CATSPER1: variants seen among roughly 807,000 people sequenced by gnomAD.
CATSPER1 encodes the protein cation channel sperm-associated protein 1.
A neutral mutation model predicts 72.7 loss-of-function variants in CATSPER1; 57 were observed. That is an observed-to-expected ratio of 0.78 (90% CI 0.63 to 0.98). CATSPER1 has a LOEUF of 0.98. Ranked by LOEUF, CATSPER1 falls within the 50% of genes least tolerant of loss-of-function variation. CATSPER1 has a pLI of 0.00. For missense variants in CATSPER1, 910 were observed against 1,033.9 expected, an observed-to-expected ratio of 0.88 and a Z score of 1.64; for synonymous variants, 363 against 403.0, an observed-to-expected ratio of 0.90 and a Z score of 1.19.
rs745424701 is a variant in CATSPER1 at position 66,025,371 on chromosome 11, C to T, written c.1009G>A (p.Asp337Asn). The change falls in exon 1 of 12, where the codon GAT becomes AAT. Residue 337 changes from aspartate to asparagine, a missense_variant. Transcript: ENST00000312106. ...CGAGAAGCAGCAGGGCCGGGGGCAT[C>T]GTGAATCAGGCTCCGGGATGTGTGT... ...IPHTSRSLIH[D>N]APGPAASRTG... The T allele has an allele frequency of 1.7e-5, 27 of 1,613,910 alleles. No homozygotes were observed. The highest frequency in any genetic ancestry group is 1.3e-4 in the Admixed American group (8 of 59,986).
intron 2 of CATSPER1, among the ~76,000 whole-genome samples, 196 bp downstream of exon 2, chr11:66,022,653 G>T (rs1162975846): frequency 6.6e-6 from 1 of 152,272 alleles, no homozygotes; most frequent in Non-Finnish European, 1.5e-5. Flanking sequence ...CCGCCTAGCG[G>T]GTCCTTCTGT....
At chr11:66,016,990 T>G in intron 11 of CATSPER1, 70 bp downstream of exon 11, 1 of 1,612,934 alleles carries the variant, frequency 6.2e-7, no homozygotes, top group Non-Finnish European at 8.5e-7. Context: ...GGGAGTTACT[T>G]GGAGCCATTT....
chr11:66,025,610 T>A lies in CATSPER1; in HGVS notation c.770A>T (p.Gln257Leu). The change falls in exon 1 of 12, where the codon CAG (glutamine) becomes CTG (leucine). Residue 257 changes from glutamine to leucine, a missense_variant. Coordinates refer to ENST00000312106, the MANE Select transcript of CATSPER1 (RefSeq NM_053054.4). ...ISPHSSVGSY[Q>L]RGISDYHSEY... ...GCTGTGATAGTCAGATATCCCACGC[T>A]GGTAGGACCCCACAGAGGAATGAGG... 1 of 1,612,234 alleles carries A rather than the reference T, an allele frequency of 6.2e-7. No individual in the cohort carries two copies. The highest frequency in any genetic ancestry group is 8.5e-7 in the Non-Finnish European group (1 of 1,179,172).
At chr11:66,018,221 AAAG>A (rs1856279826) in intron 10 of CATSPER1, among the ~76,000 whole-genome samples, 1 of 151,652 alleles carries the variant, frequency 6.6e-6, no homozygotes, top group Admixed American at 6.6e-5. Flanking sequence ...AAAAAAAAAA[AAAG>A]AAAAAAGAAA....
intron 4 of CATSPER1, 49 bp downstream of exon 4, chr11:66,021,447 C>T (rs1340590618): frequency 1.2e-6 from 2 of 1,603,796 alleles, no homozygotes; most frequent in South Asian, 2.2e-5. Flanking sequence ...GGTCTGTGTC[C>T]CCTCTTCCTT....
chr11:66,017,193 G>GGGGGGGGGGGGGCCCC lies in CATSPER1; in HGVS notation c.2202-20_2202-19insGGGGCCCCCCCCCCCC. On this transcript the variant is annotated intron_variant, in intron 10 of 11. Coordinates refer to ENST00000312106, the MANE Select transcript of CATSPER1 (RefSeq NM_053054.4). ...CTGCTGCCTGCGGGTGGGCGGGGGG[G>GGGGGGGGGGGGGCCCC]TCGCAGAGACAGGGGCTGGGCTGAC... The GGGGGGGGGGGGGCCCC allele has an allele frequency of 2.0e-5, 10 of 493,778 alleles. No homozygotes were observed. The highest frequency in any genetic ancestry group is 3.6e-5 in the Non-Finnish European group (9 of 252,600). The allele number at this position is 493,778 out of a possible 1,614,324, so 30.6% of individuals were successfully genotyped here.
intron 9 of CATSPER1, 40 bp from the exon 10 acceptor site, chr11:66,018,942 T>C (rs756173172): frequency 6.5e-7 from 1 of 1,550,358 alleles, no homozygotes; most frequent in South Asian, 1.1e-5. Flanking sequence ...AGGCCTGGAT[T>C]TGGAGAGGAG....
rs1373708829 is a variant in CATSPER1, at chr11:66,020,517, A to G, written c.1991+47T>C. On this transcript the variant is annotated intron_variant, in intron 7 of 11. Transcript: ENST00000312106. This position sits in a 1 kb window ranked among gnomAD's most constrained non-coding sequence, Gnocchi z 4.5. ...TGGGGTAAGGGTCCCAGGGGAGAGG[A>G]GGAAGTGTGGGTGGTGCTGGGCAGC... 1 of 1,598,564 alleles carries G rather than the reference A, an allele frequency of 6.3e-7. No individual in the cohort carries two copies. Among genetic ancestry groups the G allele is most frequent in the African/African-American group, 1.3e-5 (1 of 74,568 alleles).
intron 10 of CATSPER1, 120 bp downstream of exon 10, chr11:66,018,707 G>C: frequency 9.1e-7 from 1 of 1,104,264 alleles, no homozygotes; most frequent in Non-Finnish European, 1.4e-6. Flanking sequence ...TCATCCACAA[G>C]CCTCAGCGCT....
intron 10 of CATSPER1, among the ~76,000 whole-genome samples, chr11:66,017,744 A>G (rs1415269454): frequency 6.6e-6 from 1 of 152,206 alleles, no homozygotes; most frequent in Admixed American, 6.5e-5. Flanking sequence ...TACTCCGAGG[A>G]GATGGAGATG....
In CATSPER1 at chr11:66,025,410, G is replaced by C. The variant is rs773285320; in HGVS notation, c.970C>G (p.Gln324Glu). The change falls in exon 1 of 12, where the codon CAA (glutamine) becomes GAA (glutamate). Residue 324 changes from glutamine to glutamate, a missense_variant. Gln to Glu is a conservative substitution (Grantham distance 29, BLOSUM62 2). Coordinates refer to ENST00000312106, the MANE Select transcript of CATSPER1 (RefSeq NM_053054.4). The part of the protein sequence containing the change: ...LHGDYVQSTS[Q>E]LSIPHTSRSL... ...CGGGATGTGTGTGGGATAGAGAGTT[G>C]GGAAGTGCTCTGGACGTAGTCGCCA... The C allele has an allele frequency of 6.8e-5, 110 of 1,613,838 alleles. No homozygotes were observed. In the South Asian group the frequency reaches 1.1e-3, roughly 16 times the overall value.
In CATSPER1 at chr11:66,017,182, TGGGC is replaced by T; in HGVS notation, c.2202-12_2202-9del. 1 of 173,882 alleles carries T rather than the reference TGGGC, an allele frequency of 5.8e-6. No homozygotes were observed. The highest frequency in any genetic ancestry group is 1.1e-5 in the Non-Finnish European group (1 of 92,816). The allele number at this position is 173,882 out of a possible 1,614,324, so 10.8% of individuals were successfully genotyped here. On this transcript the variant is annotated splice_polypyrimidine_tract_variant and intron_variant, in intron 10 of 11. Coordinates refer to ENST00000312106, the MANE Select transcript of CATSPER1 (RefSeq NM_053054.4). ...AACAGGAGCTCCTGCTGCCTGCGGGTGGGCGGGGGGGTCGCAGAGACAGGGGCTG... is the reference window on the plus strand; with the variant it reads ...AACAGGAGCTCCTGCTGCCTGCGGGTGGGGGGGTCGCAGAGACAGGGGCTG...
chr11:66,021,217 C>T (rs1439310486), intron 4 of CATSPER1, 32 bp from the exon 5 acceptor site: 3 of 1,585,652 alleles, frequency 1.9e-6, no homozygotes, highest in East Asian at 2.3e-5. Context: ...ACTGAGTCAT[C>T]GGTGAGGGGC....
In CATSPER1 at chr11:66,017,124, T is replaced by TGCTCCA; in HGVS notation, c.2246_2251dup (p.Glu750_Gln751insLeuGlu). On this transcript the variant is annotated inframe_insertion, in exon 11 of 12. Transcript: ENST00000312106. ...CTGGGAGCGGAACTTCTGCTGCTCC[T>TGCTCCA]GCTCCACGCTTGCCACCAGCTGCAG... The TGCTCCA allele has an allele frequency of 6.8e-7, 1 of 1,476,698 alleles. No homozygotes were observed. The highest frequency in any genetic ancestry group is 9.1e-7 in the Non-Finnish European group (1 of 1,094,344). 91.5% of individuals were successfully genotyped at this position (1,476,698 alleles called of 1,614,324 possible). A position where few individuals can be genotyped will look rare whatever the true frequency, so the allele number is the denominator to read the frequency against.
At chr11:66,023,364 A>G (rs1856418327) in intron 1 of CATSPER1, among the ~76,000 whole-genome samples, 1 of 151,508 alleles carries the variant, frequency 6.6e-6, no homozygotes, top group African/African-American at 2.4e-5. Flanking sequence ...TATGGAGTCC[A>G]AGGCCATGAA....
chr11:66,020,447 G>A lies in CATSPER1; in HGVS notation c.1992-58C>T, dbSNP rs77429531. 5,938 of 1,607,790 alleles carry A rather than the reference G, an allele frequency of 3.7e-3. 197 individuals carry two copies. In the African/African-American group the frequency reaches 0.071, roughly 19 times the overall value. ...AGGAGGCCAGAGGAGAGGGGCACCC[G>A]GTACTTCTTGTGGGTTCAGCGTGGC... On this transcript the variant is annotated intron_variant, in intron 7 of 11. Transcript: ENST00000312106. This position sits in a 1 kb window ranked among gnomAD's most constrained non-coding sequence, Gnocchi z 4.5.
Position 66,025,025 on chromosome 11 carries a change from G to C in CATSPER1, c.1216+139C>G. On this transcript the variant is annotated intron_variant, in intron 1 of 11. Coordinates refer to ENST00000312106, the MANE Select transcript of CATSPER1 (RefSeq NM_053054.4). ...AAAAGATGGGACCATGAACAGTCAG[G>C]AGAGTGAATAGCCAGTGGGGGACCT... 5 of 979,236 alleles carry C rather than the reference G, an allele frequency of 5.1e-6. No homozygotes were observed. The South Asian group carries it at 6.7e-5, about 13-fold the overall frequency. 60.7% of individuals were successfully genotyped at this position (979,236 alleles called of 1,614,324 possible). A position where few individuals can be genotyped will look rare whatever the true frequency, so the allele number is the denominator to read the frequency against.
chr11:66,022,468 G>C (rs1856394053), intron 2 of CATSPER1, among the ~76,000 whole-genome samples: 1 of 152,264 alleles, frequency 6.6e-6, no homozygotes, highest in Non-Finnish European at 1.5e-5. Flanking sequence ...CCTTCACCCT[G>C]CTCCACGGCG....
intron 9 of CATSPER1, among the ~76,000 whole-genome samples, chr11:66,019,661 G>A (rs1300841933): frequency 6.6e-6 from 1 of 152,014 alleles, no homozygotes; most frequent in Non-Finnish European, 1.5e-5. Context: ...AGGCTGAGGT[G>A]GGAGGATCAT....
Sources: allele counts gnomAD v4.1 joint callset (sites outside exome capture counted in the v4.1 genomes callset), GRCh38; gene constraint gnomAD v4.1.1; non-coding constraint Gnocchi (gnomAD v3.1); transcripts MANE v1.5; gene names NCBI Gene and HGNC (gene_info 2026-07-23, HGNC 2026-07-21).